Variants in ZC3H12B observed in about 807,000 individuals in gnomAD.
The protein encoded by ZC3H12B is probable ribonuclease ZC3H12B.
A neutral mutation model predicts 43.9 loss-of-function variants in ZC3H12B; 7 were observed. The observed-to-expected ratio is 0.16, with a 90% CI of 0.09 to 0.30. The LOEUF (loss-of-function observed/expected upper bound fraction) is 0.30. Among genes scored for constraint, ZC3H12B ranks in the 10% least tolerant of loss-of-function variants. ZC3H12B has a pLI of 1.00. For synonymous variants in ZC3H12B, 222 were observed against 241.7 expected (o/e 0.92, Z 0.76); for missense variants, 475 against 670.2 (o/e 0.71, Z 3.22).
At chrX:65,389,504 G>A (rs993732766) in intron 2 of ZC3H12B, among the ~76,000 whole-genome samples, 14 of 112,310 alleles carry the variant, frequency 1.2e-4, no homozygotes, top group Admixed American at 1.9e-4. Context: ...ATTAGGGTGG[G>A]AGTGACCTAA....
chrX:65,095,373 G>A, the ZC3H12B span, among the ~76,000 whole-genome samples: 1 of 111,451 alleles, frequency 9.0e-6, no homozygotes, highest in Non-Finnish European at 1.9e-5. Context: ...TAGATAAAAA[G>A]CTGAACAGAC....
At chrX:65,082,204 C>A in the ZC3H12B span, among the ~76,000 whole-genome samples, 1 of 110,892 alleles carries the variant, frequency 9.0e-6, no homozygotes, top group South Asian at 3.7e-4. Context: ...AGTGATTCAT[C>A]TTAAAGGACT....
the ZC3H12B span, among the ~76,000 whole-genome samples, chrX:65,069,381 AT>A: frequency 9.2e-6 from 1 of 108,198 alleles, no homozygotes; most frequent in South Asian, 4.1e-4. Context: ...AAGCTTACTC[AT>A]TCTTTCTTCT....
At chrX:65,447,936 T>C (rs2067400749) in intron 3 of ZC3H12B, among the ~76,000 whole-genome samples, 1 of 111,220 alleles carries the variant, frequency 9.0e-6, no homozygotes, top group Non-Finnish European at 1.9e-5. Flanking sequence ...ATAACCATTA[T>C]TGAAAAGTTA....
At chrX:65,284,854 T>C in the ZC3H12B span, among the ~76,000 whole-genome samples, 17 of 111,352 alleles carry the variant, frequency 1.5e-4, no homozygotes, top group Non-Finnish European at 2.8e-4. Context: ...AAATAAAAAC[T>C]ATATTTGAAA....
intron 3 of ZC3H12B, among the ~76,000 whole-genome samples, chrX:65,441,021 TG>T (rs1280674201): frequency 8.9e-6 from 1 of 112,545 alleles, no homozygotes; most frequent in African/African-American, 3.2e-5. Flanking sequence ...GCAGGAACTT[TG>T]TTTTTTTGCT....
chrX:65,324,485 A>C, the ZC3H12B span, among the ~76,000 whole-genome samples: 1 of 110,949 alleles, frequency 9.0e-6, no homozygotes, highest in Non-Finnish European at 1.9e-5. Context: ...GCATTCCATA[A>C]GTTTGGTATA....
At chrX:65,297,685 C>A in the ZC3H12B span, among the ~76,000 whole-genome samples, 1 of 111,073 alleles carries the variant, frequency 9.0e-6, no homozygotes, top group Non-Finnish European at 1.9e-5. Flanking sequence ...CCCCACAAAT[C>A]CAAAGCAAGA....
At chrX:65,324,762 T>C in the ZC3H12B span, among the ~76,000 whole-genome samples, 1 of 111,238 alleles carries the variant, frequency 9.0e-6, no homozygotes, top group African/African-American at 3.3e-5. Flanking sequence ...GAGAAGAGTG[T>C]GTATTCTAGT....
the ZC3H12B span, among the ~76,000 whole-genome samples, chrX:65,335,756 G>A: frequency 9.0e-6 from 1 of 111,544 alleles, no homozygotes; most frequent in Non-Finnish European, 1.9e-5. Context: ...CCAATTTTGA[G>A]CTTGCAAAGG....
the ZC3H12B span, among the ~76,000 whole-genome samples, chrX:65,130,455 C>T: frequency 4.5e-5 from 5 of 110,921 alleles, no homozygotes; most frequent in Non-Finnish European, 9.4e-5. Flanking sequence ...TTTCCTGACT[C>T]GGGGCATGTG....
At chrX:65,165,260 T>C in the ZC3H12B span, among the ~76,000 whole-genome samples, 1 of 112,299 alleles carries the variant, frequency 8.9e-6, no homozygotes, top group Non-Finnish European at 1.9e-5. Flanking sequence ...TTTTACTTTT[T>C]AAATTTATTT....
At chrX:65,229,849 C>A in the ZC3H12B span, among the ~76,000 whole-genome samples, 2 of 109,530 alleles carry the variant, frequency 1.8e-5, no homozygotes, top group Non-Finnish European at 3.8e-5. Context: ...CATCTCACAC[C>A]AGTTAGAATG....
the ZC3H12B span, among the ~76,000 whole-genome samples, chrX:65,168,577 C>T: frequency 9.0e-6 from 1 of 111,044 alleles, no homozygotes; most frequent in Non-Finnish European, 1.9e-5. Flanking sequence ...GGAAGATTCC[C>T]TCTTTTTCTA....
chrX:65,491,796 T>A (rs1168172087), intron 1 of ZC3H12B, among the ~76,000 whole-genome samples: 1 of 108,799 alleles, frequency 9.2e-6, no homozygotes, highest in Non-Finnish European at 1.9e-5. Context: ...TTTTTTAAAA[T>A]CATGACATCA....
the ZC3H12B span, among the ~76,000 whole-genome samples, chrX:65,160,478 G>T: frequency 9.0e-6 from 1 of 111,637 alleles, no homozygotes; most frequent in Non-Finnish European, 1.9e-5. Context: ...CTTCTTTGTG[G>T]TTTAGTCTTG....
chrX:65,092,736 C>T, the ZC3H12B span, among the ~76,000 whole-genome samples: 7 of 112,069 alleles, frequency 6.2e-5, no homozygotes, highest in East Asian at 2.0e-3. Context: ...AAACAAATGA[C>T]ATAAAACTGG....
intron 3 of ZC3H12B, among the ~76,000 whole-genome samples, chrX:65,456,898 C>T (rs763701602): frequency 0.075 from 7,994 of 107,196 alleles, 390 homozygotes; most frequent in Non-Finnish European, 0.12. Context: ...TCTGCCTGGC[C>T]GCCCATCGTC....
chrX:65,098,256 ACAC>A, the ZC3H12B span, among the ~76,000 whole-genome samples: 1 of 110,533 alleles, frequency 9.0e-6, no homozygotes, highest in African/African-American at 3.3e-5. Flanking sequence ...ACACACACAC[ACAC>A]AACTGGAACA....
Sources: allele counts gnomAD v4.1 joint callset (sites outside exome capture counted in the v4.1 genomes callset), GRCh38; gene constraint gnomAD v4.1.1; transcripts MANE v1.5; gene names NCBI Gene and HGNC (gene_info 2026-07-23, HGNC 2026-07-21).